Variants in ALPK2 observed in about 807,000 individuals in gnomAD.
ALPK2 encodes alpha-protein kinase 2.
ALPK2 carries 127 observed loss-of-function variants against 163.1 expected under a neutral mutation model. That is an observed-to-expected ratio of 0.78 (90% confidence interval 0.67 to 0.90). The LOEUF (loss-of-function observed/expected upper bound fraction) is 0.90, where lower values mean the gene tolerates loss of function less well. Ranked by LOEUF, ALPK2 falls within the 40% of genes least tolerant of loss-of-function variation. The probability of loss-of-function intolerance (pLI) is 0.00; values close to 1 mark genes in which losing one functional copy is unlikely to be tolerated. For missense variants in ALPK2, 2,360 were observed against 2,589.6 expected (o/e 0.91, Z 1.92); for synonymous variants, 953 against 959.1 (o/e 0.99, Z 0.12).
chr18:58,513,623 C>T (rs945723290), intron 10 of ALPK2, among the ~76,000 whole-genome samples: 2 of 152,148 alleles, frequency 1.3e-5, no homozygotes, highest in Non-Finnish European at 1.5e-5. Context: ...ATGCCTATAA[C>T]GCCAGCACTC....
At chr18:58,543,538 C>T (rs138100807) in intron 4 of ALPK2, 10 of 252,514 alleles carry the variant, frequency 4.0e-5, no homozygotes, top group Admixed American at 6.5e-5. Flanking sequence ...CAGATGACCA[C>T]GTTCTGGGGC....
At chr18:58,533,506 CTGGAGTGTGGT>C (rs2051626997) in intron 5 of ALPK2, among the ~76,000 whole-genome samples, 1 of 150,082 alleles carries the variant, frequency 6.7e-6, no homozygotes, top group Non-Finnish European at 1.5e-5. Context: ...TGGAGTGCAG[CTGGAGTGTGGT>C]GGTGTGATCA....
chr18:58,574,822 C>T lies in ALPK2; in HGVS notation c.1962+3992G>A, dbSNP rs117471164. 8.5e-5 allele frequency among the ~76,000 whole-genome samples: 13 copies of T among 152,294 alleles called. No homozygotes were observed. The East Asian group carries it at 2.5e-3, about 29-fold the overall frequency. ...ACTAATAGGAAGCACGTCCTATTAGCAGAGAGTTGGCCTCAGCATCTTTTA... is the reference window on the plus strand; with the variant it reads ...ACTAATAGGAAGCACGTCCTATTAGTAGAGAGTTGGCCTCAGCATCTTTTA... On this transcript the variant is annotated intron_variant, in intron 4 of 12. Transcript: ENST00000361673.
chr18:58,509,896 C>A (rs982877827), intron 10 of ALPK2, among the ~76,000 whole-genome samples: 26 of 151,854 alleles, frequency 1.7e-4, no homozygotes, highest in African/African-American at 6.3e-4. Flanking sequence ...TAATTAGATC[C>A]CATTTGTCAA....
At position 58,481,867 on chromosome 18, in the gene ALPK2, T is replaced by C. The variant is rs7240666; in HGVS notation, c.6469A>G (p.Ile2157Val). The C allele has an allele frequency of 0.84, 1,350,094 of 1,613,966 alleles. 566,753 individuals carry two copies. The highest frequency in any genetic ancestry group is 1 in the East Asian group (44,868 of 44,888). ...KSKVQTNSMT[I>V]KKAGPETPGE... ...GGGGTCTCAGGCCCTGCCTTCTTTA[T>C]TGTCATAGAGTTTGTTTGAACTTTG... The change falls in exon 13 of 13, where the codon ATA becomes GTA. Residue 2157 changes from isoleucine to valine, a missense_variant. Ile to Val is a conservative substitution (Grantham distance 29). Coordinates refer to ENST00000361673, the MANE Select transcript of ALPK2 (RefSeq NM_052947.4).
chr18:58,487,760 G>A (rs368684051), intron 12 of ALPK2, among the ~76,000 whole-genome samples: 1 of 152,098 alleles, frequency 6.6e-6, no homozygotes, highest in Admixed American at 6.5e-5. Context: ...ACTGGCTCAC[G>A]CCTGTAATCC....
At chr18:58,567,282 G>T (rs1049086307) in intron 4 of ALPK2, among the ~76,000 whole-genome samples, 4 of 151,992 alleles carry the variant, frequency 2.6e-5, no homozygotes, top group Non-Finnish European at 5.9e-5. Flanking sequence ...TACTCGGAAG[G>T]CTGAGACAAG....
chr18:58,506,165 T>G (rs991299375), intron 10 of ALPK2, among the ~76,000 whole-genome samples: 1 of 152,030 alleles, frequency 6.6e-6, no homozygotes, highest in Non-Finnish European at 1.5e-5. Flanking sequence ...AACTCTGCAT[T>G]GGGCACACAT....
At chr18:58,556,119 G>A (rs2051789591) in intron 4 of ALPK2, among the ~76,000 whole-genome samples, 1 of 152,026 alleles carries the variant, frequency 6.6e-6, no homozygotes, top group African/African-American at 2.4e-5. Flanking sequence ...ACCACGCCCA[G>A]CCTTAAAAAC....
In ALPK2 at chr18:58,517,014, A is replaced by G. The variant is rs1189331789; in HGVS notation, c.5834T>C (p.Val1945Ala). ...CACACAGGCATGGCCAGGTTTGAAG[A>G]CAGGCATGAGGCCGTGCATCACTGT... ...RSTVMHGLMP[V>A]FKPGHACVLK... is the part of the protein sequence containing the mutation. Residue 1945 changes from valine (V) to alanine (A), a missense_variant, in exon 9 of 13, where the codon GTC becomes GCC. Physicochemically the swap from Val to Ala is moderately conservative, Grantham distance 64. Coordinates refer to ENST00000361673, the MANE Select transcript of ALPK2 (RefSeq NM_052947.4). The G allele has an allele frequency of 6.2e-7, 1 of 1,614,214 alleles. No homozygotes were observed. Among genetic ancestry groups the G allele is most frequent in the Non-Finnish European group, 8.5e-7 (1 of 1,180,028 alleles).
At chr18:58,484,535 A>G (rs1167325800) in intron 12 of ALPK2, among the ~76,000 whole-genome samples, 1 of 152,180 alleles carries the variant, frequency 6.6e-6, no homozygotes, top group Admixed American at 6.5e-5. Flanking sequence ...CACGAGGTCA[A>G]GAGATCGCAA....
At chr18:58,550,059 T>C (rs2051742945) in intron 4 of ALPK2, among the ~76,000 whole-genome samples, 1 of 152,122 alleles carries the variant, frequency 6.6e-6, no homozygotes, top group Non-Finnish European at 1.5e-5. Context: ...CACACCTGTT[T>C]GCTTTCAGAT....
At chr18:58,608,630 A>G (rs1281251391) in intron 2 of ALPK2, among the ~76,000 whole-genome samples, 1 of 151,996 alleles carries the variant, frequency 6.6e-6, no homozygotes, top group Non-Finnish European at 1.5e-5. Context: ...TTGGTGAGCA[A>G]CTCCAGAGAC....
At chr18:58,549,100 C>A (rs1602212521) in intron 4 of ALPK2, among the ~76,000 whole-genome samples, 1 of 152,248 alleles carries the variant, frequency 6.6e-6, no homozygotes, top group Non-Finnish European at 1.5e-5. Context: ...TAAACCGAAG[C>A]TTTATGTTCT....
At chr18:58,606,463 C>A (rs1444671139) in intron 3 of ALPK2, among the ~76,000 whole-genome samples, 1 of 152,202 alleles carries the variant, frequency 6.6e-6, no homozygotes, top group Non-Finnish European at 1.5e-5. Flanking sequence ...GAAACTTCTA[C>A]AAGCATTACA....
chr18:58,618,068 G>A (rs529450902), intron 1 of ALPK2, among the ~76,000 whole-genome samples: 7 of 152,282 alleles, frequency 4.6e-5, no homozygotes, highest in Admixed American at 2.0e-4. Flanking sequence ...TTTTTGAGAT[G>A]GAGTTTTGCT....
Position 58,579,135 on chromosome 18 carries a change from C to T in ALPK2, c.1641G>A (p.Lys547=), listed in dbSNP as rs769785458. ...VRQPGMKGNP[K]KPNANLREST... ...TTTCTCTCAGGTTGGCATTCGGCTT[C>T]TTGGGATTTCCCTTCATTCCCGGCT... The change falls in exon 4 of 13, where the codon AAG becomes AAA. Residue 547 remains lysine (K), a synonymous_variant. Coordinates refer to ENST00000361673, the MANE Select transcript of ALPK2 (RefSeq NM_052947.4). The T allele has an allele frequency of 1.9e-6, 3 of 1,614,078 alleles. No homozygotes were observed. The highest frequency in any genetic ancestry group is 2.5e-6 in the Non-Finnish European group (3 of 1,180,036).
chr18:58,607,971 G>C (rs902258607), intron 2 of ALPK2, among the ~76,000 whole-genome samples: 1 of 152,146 alleles, frequency 6.6e-6, no homozygotes, highest in Admixed American at 6.5e-5. Flanking sequence ...ACATTAACCA[G>C]TGCTACACCT....
intron 1 of ALPK2, among the ~76,000 whole-genome samples, chr18:58,617,600 T>TAG (rs1370606583): frequency 6.6e-6 from 1 of 152,242 alleles, no homozygotes; most frequent in Non-Finnish European, 1.5e-5. Context: ...GCATCATCTC[T>TAG]CCATCTCAGT....
Sources: gnomAD v4.1 joint callset for allele counts (sites outside exome capture counted in the v4.1 genomes callset) on GRCh38, gnomAD v4.1.1 for gene constraint, MANE v1.5 for transcripts, NCBI Gene and HGNC (gene_info 2026-07-23, HGNC 2026-07-21) for gene names.